ERBB4: variants seen among roughly 807,000 people sequenced by gnomAD.
ERBB4 encodes the protein receptor tyrosine-protein kinase erbB-4.
A neutral mutation model predicts 158.0 loss-of-function variants in ERBB4; 42 were observed. The observed-to-expected ratio is 0.27, with a 90% confidence interval of 0.21 to 0.34. ERBB4 has a LOEUF of 0.34. Among genes scored for constraint, ERBB4 ranks in the 10% least tolerant of loss-of-function variants. The probability of loss-of-function intolerance (pLI) is 1.00; values close to 1 mark genes in which losing one functional copy is unlikely to be tolerated. For synonymous variants in ERBB4, 583 were observed against 558.7 expected (o/e 1.04, Z -0.61); for missense variants, 1,333 against 1,624.1 (o/e 0.82, Z 3.08).
At chr2:212,151,568 T>G (rs2080870360) in intron 1 of ERBB4, among the ~76,000 whole-genome samples, 1 of 151,816 alleles carries the variant, frequency 6.6e-6, no homozygotes, top group South Asian at 2.1e-4. Flanking sequence ...TTTCAGAAAA[T>G]TTTGGAAATA....
intron 3 of ERBB4, among the ~76,000 whole-genome samples, chr2:211,946,577 T>TC (rs202121170): frequency 0.099 from 3,212 of 32,288 alleles, 235 homozygotes; most frequent in South Asian, 0.26. Flanking sequence ...ATTAGCTCTC[T>TC]TTTTTTTTTT....
At chr2:211,992,568 A>AGAGAGAGAGAGAG (rs113455518) in intron 2 of ERBB4, among the ~76,000 whole-genome samples, 4 of 76,532 alleles carry the variant, frequency 5.2e-5, no homozygotes, top group African/African-American at 1.5e-4. Flanking sequence ...AGAGAGAGAG[A>AGAGAGAGAGAGAG]AAAAAAAAAA....
intron 1 of ERBB4, among the ~76,000 whole-genome samples, chr2:212,212,680 A>G (rs1237245198): frequency 1.3e-5 from 2 of 152,178 alleles, no homozygotes; most frequent in African/African-American, 2.4e-5. Context: ...CTACAAGGCT[A>G]CAGTAACCAA....
chr2:211,451,878 TG>T, intron 20 of ERBB4, among the ~76,000 whole-genome samples: 1 of 152,364 alleles, frequency 6.6e-6, no homozygotes, highest in Admixed American at 6.5e-5. Flanking sequence ...GCTCAAGTGC[TG>T]GGCAAATAGC....
At chr2:211,521,283 A>C (rs1054564266) in intron 20 of ERBB4, among the ~76,000 whole-genome samples, 1 of 152,168 alleles carries the variant, frequency 6.6e-6, no homozygotes, top group African/African-American at 2.4e-5. Flanking sequence ...ATAAGAAAGC[A>C]AAACAGCCTT....
At chr2:211,761,433 C>T (rs1408941066) in intron 4 of ERBB4, among the ~76,000 whole-genome samples, 7 of 151,984 alleles carry the variant, frequency 4.6e-5, no homozygotes, top group Admixed American at 2.6e-4. Flanking sequence ...GTTTAATCAG[C>T]GACATCCATC....
chr2:212,448,754 A>G (rs557948227), intron 1 of ERBB4, among the ~76,000 whole-genome samples: 1 of 152,112 alleles, frequency 6.6e-6, no homozygotes, highest in Non-Finnish European at 1.5e-5. Context: ...ACTAAAAAAA[A>G]CTTACATGAT....
chr2:212,477,840 T>C (rs1436260236), intron 1 of ERBB4, among the ~76,000 whole-genome samples: 2 of 152,098 alleles, frequency 1.3e-5, no homozygotes, highest in Admixed American at 6.6e-5. Context: ...AGTTATTCAA[T>C]ATGTGGGCTC....
rs377394807 is a variant in ERBB4 at position 212,513,079 on chromosome 2, T to C, written c.82+25370A>G. Among the ~76,000 whole-genome samples the C allele has an allele frequency of 1.2e-4, 19 of 152,330 alleles. 1 individual carries two copies. The highest frequency in any genetic ancestry group is 4.6e-4 in the African/African-American group (19 of 41,576). ...GAAACTGTCTTTCCCAGAAGAGTTTTCCAGACTTTAGTTATACTAAGTTAT... is the reference window on the plus strand; with the variant it reads ...GAAACTGTCTTTCCCAGAAGAGTTTCCCAGACTTTAGTTATACTAAGTTAT... On this transcript the variant is annotated intron_variant, in intron 1 of 27. Coordinates refer to ENST00000342788, the MANE Select transcript of ERBB4 (RefSeq NM_005235.3).
At chr2:212,212,839 T>C (rs1380560861) in intron 1 of ERBB4, among the ~76,000 whole-genome samples, 1 of 152,110 alleles carries the variant, frequency 6.6e-6, no homozygotes, top group Non-Finnish European at 1.5e-5. Flanking sequence ...ATTTAATAAA[T>C]GGTGCTGGGA....
intron 20 of ERBB4, among the ~76,000 whole-genome samples, chr2:211,473,437 C>T (rs1324461070): frequency 2.0e-5 from 3 of 152,110 alleles, no homozygotes; most frequent in Non-Finnish European, 2.9e-5. Flanking sequence ...ATTGTTACAG[C>T]AGCCACAGAA....
At chr2:212,131,720 G>A (rs536676215) in intron 1 of ERBB4, among the ~76,000 whole-genome samples, 8 of 152,272 alleles carry the variant, frequency 5.3e-5, no homozygotes, top group South Asian at 2.1e-4. Flanking sequence ...TCCTGTGGGC[G>A]TCTCTTAGTA....
intron 20 of ERBB4, among the ~76,000 whole-genome samples, chr2:211,502,213 T>C (rs927930134): frequency 6.6e-6 from 1 of 152,096 alleles, no homozygotes; most frequent in African/African-American, 2.4e-5. Flanking sequence ...ACGACAATAG[T>C]TTGGAGAGTT....
At chr2:212,038,043 T>C (rs556815895) in intron 2 of ERBB4, among the ~76,000 whole-genome samples, 1 of 152,168 alleles carries the variant, frequency 6.6e-6, no homozygotes, top group South Asian at 2.1e-4. Flanking sequence ...TAACATTCCA[T>C]GTATCATTTT....
chr2:211,862,976 C>T (rs541667219), intron 3 of ERBB4, among the ~76,000 whole-genome samples: 50 of 150,234 alleles, frequency 3.3e-4, no homozygotes, highest in African/African-American at 1.1e-3. Flanking sequence ...CAGCACTCTG[C>T]GTCTAGCTAA....
chr2:212,300,433 A>T (rs921704317), intron 1 of ERBB4, among the ~76,000 whole-genome samples: 2 of 151,656 alleles, frequency 1.3e-5, no homozygotes, highest in Non-Finnish European at 3.0e-5. Flanking sequence ...GTGTTTTTTA[A>T]GCAAGAGCTT....
In ERBB4 at chr2:212,123,156, C is replaced by T. The variant is rs776550766; in HGVS notation, c.234+1596G>A. ...GTGGCTCACGCCTGTAATCCCAGCA[C>T]TTTGGGAGGCCGAGGAGGGCGGATT... On this transcript the variant is annotated intron_variant, in intron 2 of 27. Coordinates refer to ENST00000342788, the MANE Select transcript of ERBB4 (RefSeq NM_005235.3). Among the ~76,000 whole-genome samples the T allele has an allele frequency of 3.2e-4, 48 of 152,124 alleles. 1 individual carries two copies. The highest frequency in any genetic ancestry group is 3.2e-3 in the Middle Eastern group (1 of 316).
intron 2 of ERBB4, among the ~76,000 whole-genome samples, chr2:211,984,281 T>G (rs1325784433): frequency 6.6e-6 from 1 of 152,184 alleles, no homozygotes; most frequent in Non-Finnish European, 1.5e-5. Context: ...GGCCCCACTT[T>G]TTAATATTAT....
chr2:212,306,510 A>G (rs2086815407), intron 1 of ERBB4, among the ~76,000 whole-genome samples: 1 of 151,444 alleles, frequency 6.6e-6, no homozygotes, highest in Non-Finnish European at 1.5e-5. Context: ...ATGAAATTGC[A>G]TTTTCATCCA....
Sources: gnomAD v4.1 joint callset for allele counts (sites outside exome capture counted in the v4.1 genomes callset) on GRCh38, gnomAD v4.1.1 for gene constraint, MANE v1.5 for transcripts, NCBI Gene and HGNC (gene_info 2026-07-23, HGNC 2026-07-21) for gene names.